PCDH11Y: variants seen among roughly 807,000 people sequenced by gnomAD.
The protein encoded by PCDH11Y is protocadherin-11 Y-linked.
For missense variants in PCDH11Y, 12 were observed against 224.8 expected, an observed-to-expected ratio of 0.05 and a Z score of 6.05; for synonymous variants, 9 against 83.6, an observed-to-expected ratio of 0.11 and a Z score of 4.87.
At chrY:5,234,570 C>T in intron 2 of PCDH11Y, among the ~76,000 whole-genome samples, 1 of 32,033 alleles carries the variant, frequency 3.1e-5, no homozygotes, top group Non-Finnish European at 7.5e-5. Context: ...TAACTTATGA[C>T]TTCTCTAGTA....
intron 3 of PCDH11Y, among the ~76,000 whole-genome samples, chrY:5,546,359 G>T (rs2053413079): frequency 3.0e-5 from 1 of 32,939 alleles, no homozygotes; most frequent in Admixed American, 2.8e-4. Flanking sequence ...TAAATAATTT[G>T]CTGTTTTAAA....
At chrY:5,407,414 A>G (rs1373827764) in intron 2 of PCDH11Y, among the ~76,000 whole-genome samples, 10 of 29,925 alleles carry the variant, frequency 3.3e-4, no homozygotes, top group Non-Finnish European at 6.3e-4. Context: ...GTGAGGAGAA[A>G]AATGAACTAA....
At chrY:5,043,939 G>T in intron 3 of PCDH11Y, among the ~76,000 whole-genome samples, 1 of 33,156 alleles carries the variant, frequency 3.0e-5, no homozygotes, top group Non-Finnish European at 7.4e-5. Flanking sequence ...TTGTATTTCT[G>T]TGGGATCAGT....
intron 3 of PCDH11Y, among the ~76,000 whole-genome samples, chrY:5,541,285 G>A: frequency 2.9e-5 from 1 of 34,294 alleles, no homozygotes; most frequent in South Asian, 6.2e-4. Context: ...TTGATAGCAC[G>A]TATTAGCATA....
At chrY:5,612,478 T>G in intron 4 of PCDH11Y, among the ~76,000 whole-genome samples, 1 of 32,548 alleles carries the variant, frequency 3.1e-5, no homozygotes, top group Non-Finnish European at 7.5e-5. Flanking sequence ...AAGTTTCATT[T>G]TAGTAAGAAC....
intron 2 of PCDH11Y, among the ~76,000 whole-genome samples, chrY:5,376,390 C>G: frequency 3.1e-5 from 1 of 32,608 alleles, no homozygotes; most frequent in African/African-American, 1.2e-4. Context: ...GTCTCGATCT[C>G]CTGACCTCGT....
At chrY:5,227,644 G>T in intron 2 of PCDH11Y, among the ~76,000 whole-genome samples, 3 of 32,294 alleles carry the variant, frequency 9.3e-5, no homozygotes, top group African/African-American at 3.7e-4. Context: ...ATCATGAAAG[G>T]ATGTTGAATT....
At chrY:5,616,356 G>A in intron 4 of PCDH11Y, among the ~76,000 whole-genome samples, 3 of 33,330 alleles carry the variant, frequency 9.0e-5, no homozygotes, top group Non-Finnish European at 1.5e-4. Flanking sequence ...AAGTTGTTGG[G>A]TGAAGCTTGG....
intron 2 of PCDH11Y, among the ~76,000 whole-genome samples, chrY:5,219,331 C>G: frequency 6.1e-5 from 2 of 32,531 alleles, no homozygotes; most frequent in South Asian, 6.9e-4. Context: ...ATCCCCCCCC[C>G]ACAGTTTACA....
intron 2 of PCDH11Y, among the ~76,000 whole-genome samples, chrY:5,379,667 C>T: frequency 3.2e-5 from 1 of 31,227 alleles, no homozygotes; most frequent in African/African-American, 1.3e-4. Context: ...CAAAATAGCT[C>T]GCCCGGCAGG....
At chrY:5,050,812 G>C in intron 3 of PCDH11Y, among the ~76,000 whole-genome samples, 1 of 31,405 alleles carries the variant, frequency 3.2e-5, no homozygotes, top group East Asian at 8.1e-4. Flanking sequence ...ACTCAAAATA[G>C]CCTTTTCAGC....
At chrY:5,323,426 A>C in intron 2 of PCDH11Y, among the ~76,000 whole-genome samples, 1 of 31,390 alleles carries the variant, frequency 3.2e-5, no homozygotes, top group African/African-American at 1.3e-4. Flanking sequence ...TGAACTCCCA[A>C]CCTCAGGTGA....
In PCDH11Y at chrY:5,206,403, A is replaced by G. The variant is rs200362792; in HGVS notation, c.3129+105696A>G. 6.1e-3 allele frequency among the ~76,000 whole-genome samples: 167 copies of G among 27,211 alleles called. No individual in the cohort carries two copies. In the East Asian group the frequency reaches 0.15, roughly 25 times the overall value. 73.0% of individuals were successfully genotyped at this position (27,211 alleles called of 37,273 possible). On this transcript the variant is annotated intron_variant, in intron 2 of 4. Transcript: ENST00000400457. ...TTTTATTCAAGTTTAAGTGATGTTA[A>G]TTACAGCATTTGAAGGGGAGGATCT...
intron 4 of PCDH11Y, among the ~76,000 whole-genome samples, chrY:5,657,483 G>A (rs2053537627): frequency 2.9e-5 from 1 of 34,009 alleles, no homozygotes; most frequent in Middle Eastern, 0.014. Context: ...TATCTATATC[G>A]GAGAAGTTTG....
chrY:5,357,248 T>C lies in PCDH11Y; in HGVS notation c.3130-143809T>C, dbSNP rs1478396837. On this transcript the variant is annotated intron_variant, in intron 2 of 4. Transcript: ENST00000400457. ...ATATATATACGTGTATATATATATA[T>C]ACGTATATATATATATATATATATA... 4.2e-3 allele frequency among the ~76,000 whole-genome samples: 65 copies of C among 15,590 alleles called. No individual in the cohort carries two copies. In the East Asian group the frequency reaches 0.067, roughly 16 times the overall value. The allele number at this position is 15,590 out of a possible 37,273, so 41.8% of individuals were successfully genotyped here. A position where few individuals can be genotyped will look rare whatever the true frequency, so the allele number is the denominator to read the frequency against.
At chrY:5,072,211 AC>A (rs2124630850) in intron 1 of PCDH11Y, among the ~76,000 whole-genome samples, 1 of 31,467 alleles carries the variant, frequency 3.2e-5, no homozygotes, top group East Asian at 8.3e-4. Context: ...ATATGTCCTT[AC>A]CAATTGGTAA....
chrY:5,083,627 C>T (rs1602859034), intron 1 of PCDH11Y, among the ~76,000 whole-genome samples: 1 of 32,264 alleles, frequency 3.1e-5, no homozygotes, highest in South Asian at 7.2e-4. Flanking sequence ...GTAAAGCCAT[C>T]GGGTCCCAGG....
chrY:5,718,284 G>A lies in PCDH11Y; in HGVS notation c.3353-18988G>A, dbSNP rs2124713762. ...TAACATGAAGGATAAATGCTTGAGG[G>A]GATGGATAACCCATATTTCATGGTG... On this transcript the variant is annotated intron_variant, in intron 4 of 4. Coordinates refer to the PCDH11Y transcript ENST00000400457. Among the ~76,000 whole-genome samples, 9 of 32,979 alleles carry A rather than the reference G, an allele frequency of 2.7e-4. No individual in the cohort carries two copies. The South Asian group carries it at 6.3e-3, about 23-fold the overall frequency. The allele number at this position is 32,979 out of a possible 37,273, so 88.5% of individuals were successfully genotyped here.
At position 5,534,689 on chromosome Y, in the gene PCDH11Y, G is replaced by A. The variant is rs2124692065; in HGVS notation, c.3328+33434G>A. Among the ~76,000 whole-genome samples the A allele has an allele frequency of 1.2e-4, 4 of 33,417 alleles. No individual in the cohort carries two copies. The East Asian group carries it at 3.2e-3, about 27-fold the overall frequency. The allele number at this position is 33,417 out of a possible 37,273, so 89.7% of individuals were successfully genotyped here. A position where few individuals can be genotyped will look rare whatever the true frequency, so the allele number is the denominator to read the frequency against. On this transcript the variant is annotated intron_variant, in intron 3 of 4. Transcript: ENST00000400457. ...CTTGCATATGTCTTTATGGCAGAAC[G>A]ATTTACATTCCTTTAGGTATATACC...
Sources: gnomAD v4.1 joint callset for allele counts (sites outside exome capture counted in the v4.1 genomes callset) on GRCh38, gnomAD v4.1.1 for gene constraint, MANE v1.5 for transcripts, NCBI Gene and HGNC (gene_info 2026-07-23, HGNC 2026-07-21) for gene names.